UTP4: variants seen among roughly 807,000 people sequenced by gnomAD.
UTP4 encodes U3 small nucleolar RNA-associated protein 4 homolog.
Under a neutral mutation model 82.4 loss-of-function variants are expected in UTP4, and 45 were observed. That is an observed-to-expected ratio of 0.55 (90% confidence interval 0.43 to 0.70). The LOEUF (loss-of-function observed/expected upper bound fraction) is 0.70. Ranked by LOEUF, UTP4 falls within the 30% of genes least tolerant of loss-of-function variation. The pLI is 0.00. For synonymous variants in UTP4, 348 were observed against 300.3 expected (o/e 1.16, Z -1.64); for missense variants, 819 against 858.3 (o/e 0.95, Z 0.57).
chr16:69,133,363 CT>C, intron 1 of UTP4, 94 bp from the exon 2 acceptor site: 1 of 1,248,454 alleles, frequency 8.0e-7, no homozygotes, highest in Non-Finnish European at 1.2e-6. Context: ...TTGTTGGAGC[CT>C]TCCAGCCAGA....
At chr16:69,143,440 G>A in intron 6 of UTP4, 51 bp downstream of exon 6, 1 of 1,532,574 alleles carries the variant, frequency 6.5e-7, no homozygotes, top group Non-Finnish European at 9.0e-7. Context: ...TGTGGGGTGA[G>A]TTGAGAAAGC....
intron 14 of UTP4, among the ~76,000 whole-genome samples, 154 bp downstream of exon 14, chr16:69,163,332 G>A (rs1288332298): frequency 6.6e-6 from 1 of 152,112 alleles, no homozygotes; most frequent in Non-Finnish European, 1.5e-5. Context: ...TGCCGGTCTG[G>A]GCTCATCATA....
chr16:69,153,326 G>T (rs1963325397), intron 8 of UTP4, among the ~76,000 whole-genome samples: 2 of 152,088 alleles, frequency 1.3e-5, no homozygotes, highest in Non-Finnish European at 1.5e-5. Context: ...AAAATTCTTG[G>T]CACACTGAAG....
intron 6 of UTP4, among the ~76,000 whole-genome samples, chr16:69,146,547 A>G (rs1239556221): frequency 6.6e-6 from 1 of 152,146 alleles, no homozygotes; most frequent in Non-Finnish European, 1.5e-5. Context: ...GGTTGTTTCC[A>G]TCTTTCGGCT....
At chr16:69,154,750 C>T (rs1253508097) in intron 10 of UTP4, among the ~76,000 whole-genome samples, 5 of 140,388 alleles carry the variant, frequency 3.6e-5, no homozygotes, top group African/African-American at 8.0e-5. Context: ...ATTTTTGAGA[C>T]GGAGTTTCAC....
rs1196113856 is a variant in UTP4 at position 69,160,350 on chromosome 16, T to A, written c.1445-6T>A. 1 of 1,611,746 alleles carries A rather than the reference T, an allele frequency of 6.2e-7. No individual in the cohort carries two copies. The highest frequency in any genetic ancestry group is 1.7e-5 in the Admixed American group (1 of 60,022). On this transcript the variant is annotated splice_region_variant and splice_polypyrimidine_tract_variant and intron_variant, in intron 12 of 16. Transcript: ENST00000314423. ...ATTCAGAGATGTAACTGTTTTGTCC[T>A]CACAGGAACAGTGGAGGCCATGTGT...
chr16:69,168,955 GTCCT>G lies in UTP4; in HGVS notation c.*24_*27del. The G allele has an allele frequency of 6.9e-7, 1 of 1,450,938 alleles. No homozygotes were observed. Among genetic ancestry groups the G allele is most frequent in the South Asian group, 1.1e-5 (1 of 87,792 alleles). 89.9% of individuals were successfully genotyped at this position (1,450,938 alleles called of 1,614,324 possible). A position where few individuals can be genotyped will look rare whatever the true frequency, so the allele number is the denominator to read the frequency against. On this transcript the variant is annotated 3_prime_UTR_variant, in exon 17 of 17. Coordinates refer to ENST00000314423, the MANE Select transcript of UTP4 (RefSeq NM_032830.3). ...GAACCTAAAACAGGGCACTGTCTGT[GTCCT>G]TCCTTGAACTGTCTACCCTGTTGCT...
chr16:69,167,295 C>T, intron 16 of UTP4, 110 bp downstream of exon 16: 1 of 768,504 alleles, frequency 1.3e-6, no homozygotes, highest in Admixed American at 2.0e-5. Context: ...ATGCAGAGAA[C>T]CTGGCTTGTG....
chr16:69,150,488 C>G (rs984783505), intron 6 of UTP4, 49 bp from the exon 7 acceptor site: 1 of 1,605,800 alleles, frequency 6.2e-7, no homozygotes, highest in African/African-American at 1.3e-5. Flanking sequence ...TTTTTCCAAC[C>G]AGACCTTGTT....
Position 69,163,185 on chromosome 16 carries a change from G to A in UTP4, c.1647+7G>A. On this transcript the variant is annotated splice_region_variant and intron_variant, in intron 14 of 16. Coordinates refer to ENST00000314423, the MANE Select transcript of UTP4 (RefSeq NM_032830.3). Reference sequence around the variant, plus strand: ...CGCTCATTCGGACCAGCAGGTAAGGGAGATTCCAGTGCTTTCTATTCCCTT... The same window carrying A: ...CGCTCATTCGGACCAGCAGGTAAGGAAGATTCCAGTGCTTTCTATTCCCTT... 3.7e-6 allele frequency: 6 copies of A among 1,604,934 alleles called. No homozygotes were observed. The highest frequency in any genetic ancestry group is 2.7e-5 in the African/African-American group (2 of 74,854).
intron 8 of UTP4, among the ~76,000 whole-genome samples, chr16:69,151,556 G>A (rs1041153752): frequency 5.3e-5 from 8 of 151,382 alleles, no homozygotes; most frequent in Non-Finnish European, 8.8e-5. Context: ...TCCTGACTTC[G>A]TGATACGCCC....
intron 8 of UTP4, among the ~76,000 whole-genome samples, chr16:69,152,167 T>C (rs1963289924): frequency 6.6e-6 from 1 of 152,080 alleles, no homozygotes; most frequent in Non-Finnish European, 1.5e-5. Context: ...GCTGGCATCA[T>C]CCTAGTTTGG....
chr16:69,161,424 T>C (rs1357253104), intron 13 of UTP4, among the ~76,000 whole-genome samples: 1 of 152,266 alleles, frequency 6.6e-6, no homozygotes, highest in Non-Finnish European at 1.5e-5. Context: ...GAGCATGTAC[T>C]GAGCACTTGT....
At chr16:69,163,576 G>A (rs1963617809) in intron 14 of UTP4, among the ~76,000 whole-genome samples, 1 of 151,914 alleles carries the variant, frequency 6.6e-6, no homozygotes, top group Non-Finnish European at 1.5e-5. Context: ...TGCCGATGAG[G>A]AAATCAAGCC....
intron 2 of UTP4, among the ~76,000 whole-genome samples, chr16:69,135,551 AAAAT>A (rs1363854162): frequency 1.3e-5 from 2 of 152,102 alleles, no homozygotes; most frequent in Non-Finnish European, 2.9e-5. Flanking sequence ...CATCCCTAAA[AAAAT>A]AAATAAATAA....
chr16:69,160,498 T>C (rs903299488), intron 13 of UTP4, 36 bp downstream of exon 13: 2 of 1,490,970 alleles, frequency 1.3e-6, no homozygotes. Flanking sequence ...GTTTGAATCA[T>C]TGTACAGGAG....
intron 2 of UTP4, among the ~76,000 whole-genome samples, chr16:69,135,680 C>T (rs1166687041): frequency 6.6e-6 from 1 of 152,128 alleles, no homozygotes; most frequent in Non-Finnish European, 1.5e-5. Flanking sequence ...CGTGCCACTG[C>T]ACTCCAGTCT....
At chr16:69,145,698 GA>G (rs1447653957) in intron 6 of UTP4, among the ~76,000 whole-genome samples, 1 of 151,996 alleles carries the variant, frequency 6.6e-6, no homozygotes, top group East Asian at 1.9e-4. Flanking sequence ...AGAGAAGAGG[GA>G]GAGGCTCCTC....
At chr16:69,139,282 A>G (rs1168329102) in intron 4 of UTP4, among the ~76,000 whole-genome samples, 1 of 151,922 alleles carries the variant, frequency 6.6e-6, no homozygotes, top group Non-Finnish European at 1.5e-5. Flanking sequence ...GTTCTTTCTC[A>G]ATTACAAAGG....
Sources: gnomAD v4.1 joint callset for allele counts (sites outside exome capture counted in the v4.1 genomes callset) on GRCh38, gnomAD v4.1.1 for gene constraint, MANE v1.5 for transcripts, NCBI Gene and HGNC (gene_info 2026-07-23, HGNC 2026-07-21) for gene names.